The following NSMCE2 variants were observed in gnomAD, a reference collection of about 807,000 sequenced individuals.
The protein encoded by NSMCE2 is E3 SUMO-protein ligase NSE2.
A neutral mutation model predicts 23.8 loss-of-function variants in NSMCE2; 24 were observed. The observed-to-expected ratio is 1.01, with a 90% CI of 0.73 to 1.42. NSMCE2 has a LOEUF of 1.42. NSMCE2 is among the 40% of genes most tolerant of loss of function. The pLI, the probability that NSMCE2 is intolerant of heterozygous loss-of-function variation, is 0.00. For missense variants in NSMCE2, 284 were observed against 296.5 expected, an observed-to-expected ratio of 0.96 and a Z score of 0.31; for synonymous variants, 92 against 94.1, an observed-to-expected ratio of 0.98 and a Z score of 0.13.
chr8:125,361,076 TTTTTCG>T (rs1012302396), intron 7 of NSMCE2, among the ~76,000 whole-genome samples: 4 of 151,994 alleles, frequency 2.6e-5, no homozygotes, highest in African/African-American at 9.7e-5. Flanking sequence ...CCTTTTTTTT[TTTTTCG>T]TTTCTTTTTT....
At chr8:125,355,097 G>A (rs541305514) in intron 5 of NSMCE2, among the ~76,000 whole-genome samples, 15 of 152,146 alleles carry the variant, frequency 9.9e-5, no homozygotes, top group Non-Finnish European at 1.5e-4. Flanking sequence ...TTCAAAGTCC[G>A]AAATCCGAAA....
chr8:125,305,005 AGG>A (rs1828704615), intron 5 of NSMCE2, among the ~76,000 whole-genome samples: 5 of 151,974 alleles, frequency 3.3e-5, no homozygotes, highest in South Asian at 2.1e-4. Context: ...GAAGGAAGGA[AGG>A]AAAGAAAGAA....
chr8:125,325,669 A>G (rs1476905147), intron 5 of NSMCE2, among the ~76,000 whole-genome samples: 1 of 152,086 alleles, frequency 6.6e-6, no homozygotes, highest in Non-Finnish European at 1.5e-5. Flanking sequence ...TTTAAAAATG[A>G]AGTTGGGTGC....
intron 3 of NSMCE2, among the ~76,000 whole-genome samples, chr8:125,131,968 T>C (rs908196800): frequency 6.6e-6 from 1 of 152,246 alleles, no homozygotes; most frequent in Non-Finnish European, 1.5e-5. Flanking sequence ...TTAACAACAT[T>C]GTAAAAGCTT....
intron 5 of NSMCE2, among the ~76,000 whole-genome samples, chr8:125,217,914 C>G (rs1824675188): frequency 6.6e-6 from 1 of 150,748 alleles, no homozygotes; most frequent in Non-Finnish European, 1.5e-5. Flanking sequence ...AACCGTTGTA[C>G]TAGGATAGAA....
At chr8:125,133,246 G>T (rs1274897880) in intron 3 of NSMCE2, among the ~76,000 whole-genome samples, 2 of 152,244 alleles carry the variant, frequency 1.3e-5, no homozygotes, top group East Asian at 3.9e-4. Context: ...AAAAATAGAT[G>T]TGAGTAAATG....
intron 5 of NSMCE2, among the ~76,000 whole-genome samples, chr8:125,273,072 C>T (rs1827293962): frequency 6.6e-6 from 1 of 152,152 alleles, no homozygotes; most frequent in Non-Finnish European, 1.5e-5. Flanking sequence ...GTTACTGCTT[C>T]ATAAATGGTT....
At chr8:125,208,304 C>G (rs1156814409) in intron 5 of NSMCE2, among the ~76,000 whole-genome samples, 1 of 152,146 alleles carries the variant, frequency 6.6e-6, no homozygotes, top group East Asian at 1.9e-4. Context: ...AATAAAACTA[C>G]AGCTGGTTTA....
intron 2 of NSMCE2, 61 bp from the exon 3 acceptor site, chr8:125,102,256 T>G: frequency 9.1e-7 from 1 of 1,093,700 alleles, no homozygotes; most frequent in Non-Finnish European, 1.4e-6. Flanking sequence ...TTTATTAATA[T>G]TTTCCTGTGC....
At chr8:125,362,709 C>CTGT (rs1246277200) in intron 7 of NSMCE2, among the ~76,000 whole-genome samples, 1 of 152,242 alleles carries the variant, frequency 6.6e-6, no homozygotes, top group Non-Finnish European at 1.5e-5. Flanking sequence ...GCCTGCAATT[C>CTGT]TGTCAGTAGG....
chr8:125,300,898 G>A (rs1049655793), intron 5 of NSMCE2, among the ~76,000 whole-genome samples: 5 of 152,138 alleles, frequency 3.3e-5, no homozygotes, highest in African/African-American at 4.8e-5. Context: ...CATTCCACCT[G>A]GGCTCTGTAG....
chr8:125,117,243 A>G (rs1347362942), intron 3 of NSMCE2, among the ~76,000 whole-genome samples: 1 of 151,680 alleles, frequency 6.6e-6, no homozygotes, highest in Admixed American at 6.6e-5. Flanking sequence ...TTTCTTTGAG[A>G]CAGAGTCTTG....
chr8:125,288,962 T>C (rs534769150), intron 5 of NSMCE2, among the ~76,000 whole-genome samples: 8 of 152,176 alleles, frequency 5.3e-5, no homozygotes, highest in Non-Finnish European at 1.2e-4. Context: ...CATGCCCAGC[T>C]AATTTTTTGA....
intron 5 of NSMCE2, among the ~76,000 whole-genome samples, chr8:125,230,707 A>G (rs1205468085): frequency 1.3e-5 from 2 of 152,264 alleles, no homozygotes; most frequent in East Asian, 3.8e-4. Flanking sequence ...TAAAAGGTAC[A>G]AAGAAATTAC....
intron 5 of NSMCE2, among the ~76,000 whole-genome samples, chr8:125,337,676 C>T (rs1420099918): frequency 6.6e-6 from 1 of 152,072 alleles, no homozygotes. Flanking sequence ...TGGCGGATCA[C>T]CTGAGGTCGG....
intron 5 of NSMCE2, among the ~76,000 whole-genome samples, chr8:125,226,775 A>G (rs2130932615): frequency 6.6e-6 from 1 of 152,252 alleles, no homozygotes; most frequent in South Asian, 2.1e-4. Context: ...TAAATTGGGC[A>G]GGGAGAACAA....
chr8:125,327,279 AAAAAAAAGAG>A (rs1362772181), intron 5 of NSMCE2, among the ~76,000 whole-genome samples: 3 of 151,920 alleles, frequency 2.0e-5, no homozygotes, highest in South Asian at 2.1e-4. Flanking sequence ...AAAAAAAAAA[AAAAAAAAGAG>A]AGAGAAACCA....
chr8:125,270,913 A>T (rs1024993805), intron 5 of NSMCE2: 10 of 152,304 alleles, frequency 6.6e-5, no homozygotes, highest in Non-Finnish European at 1.5e-4. Flanking sequence ...TAGAAAAAAG[A>T]AAAAAAAGAA....
chr8:125,237,962 G>A (rs1043116693), intron 5 of NSMCE2, among the ~76,000 whole-genome samples: 3 of 152,090 alleles, frequency 2.0e-5, no homozygotes, highest in South Asian at 2.1e-4. Context: ...CCTCTTCTGG[G>A]TGAATATTAT....
Sources: gnomAD v4.1 joint callset for allele counts (sites outside exome capture counted in the v4.1 genomes callset) on GRCh38, gnomAD v4.1.1 for gene constraint, MANE v1.5 for transcripts, NCBI Gene and HGNC (gene_info 2026-07-23, HGNC 2026-07-21) for gene names.